The following KHDRBS2 variants were observed in gnomAD, a reference collection of about 807,000 sequenced individuals.
KHDRBS2 encodes the protein KH domain-containing, RNA-binding, signal transduction-associated protein 2.
A neutral mutation model predicts 44.3 loss-of-function variants in KHDRBS2; 26 were observed. That is an observed-to-expected ratio of 0.59 (90% CI 0.43 to 0.81). KHDRBS2 has a LOEUF of 0.81. Ranked by LOEUF, KHDRBS2 falls within the 40% of genes least tolerant of loss-of-function variation. The pLI, the probability that KHDRBS2 is intolerant of heterozygous loss-of-function variation, is 0.00. For synonymous variants in KHDRBS2, 194 were observed against 151.1 expected, an observed-to-expected ratio of 1.28 and a Z score of -2.08; for missense variants, 476 against 433.1, an observed-to-expected ratio of 1.10 and a Z score of -0.88.
intron 2 of KHDRBS2, among the ~76,000 whole-genome samples, chr6:62,083,670 G>A (rs1797856500): frequency 6.6e-6 from 1 of 152,154 alleles, no homozygotes; most frequent in African/African-American, 2.4e-5. Context: ...TCACCTGCAT[G>A]CTCCACCTCC....
intron 6 of KHDRBS2, chr6:61,816,655 A>G: frequency 2.2e-6 from 1 of 447,192 alleles, no homozygotes; most frequent in Non-Finnish European, 4.5e-6. Context: ...AAACAAATAC[A>G]AGCGTTATCT....
At chr6:61,548,087 A>G in the KHDRBS2 span, among the ~76,000 whole-genome samples, 5 of 152,174 alleles carry the variant, frequency 3.3e-5, no homozygotes, top group African/African-American at 4.8e-5. Context: ...CAAAAATCTA[A>G]TAGGAACTGA....
At chr6:61,645,305 G>A in the KHDRBS2 span, among the ~76,000 whole-genome samples, 1 of 151,860 alleles carries the variant, frequency 6.6e-6, no homozygotes, top group African/African-American at 2.4e-5. Context: ...ACACATTAGG[G>A]TCTATCAGAG....
At chr6:62,094,682 T>A (rs1311166564) in intron 2 of KHDRBS2, among the ~76,000 whole-genome samples, 3 of 151,978 alleles carry the variant, frequency 2.0e-5, no homozygotes, top group Non-Finnish European at 4.4e-5. Context: ...CTAGTACTTT[T>A]GTAGTTTCAG....
intron 7 of KHDRBS2, among the ~76,000 whole-genome samples, chr6:61,710,538 G>A (rs1176541932): frequency 6.6e-6 from 1 of 151,404 alleles, no homozygotes; most frequent in Non-Finnish European, 1.5e-5. Context: ...CTGTATCAAG[G>A]CATGGTGGAG....
At chr6:61,936,065 C>A (rs891097727) in intron 4 of KHDRBS2, among the ~76,000 whole-genome samples, 1 of 151,998 alleles carries the variant, frequency 6.6e-6, no homozygotes, top group African/African-American at 2.4e-5. Context: ...AAACAAGAAA[C>A]CATGTATACT....
rs572887888 is a variant in KHDRBS2 at position 62,199,251 on chromosome 6, G to A, written c.92-21939C>T. Among the ~76,000 whole-genome samples the A allele has an allele frequency of 4.6e-5, 7 of 152,218 alleles. No homozygotes were observed. In the East Asian group the frequency reaches 5.8e-4, roughly 13 times the overall value. ...AGTTCTGGCCAGGGCAATCAGGCAG[G>A]AGAAGGAAATAAAGGTCATTCAATT... On this transcript the variant is annotated intron_variant, in intron 1 of 8. Transcript: ENST00000281156.
the KHDRBS2 span, among the ~76,000 whole-genome samples, chr6:61,575,343 G>A: frequency 1.3e-5 from 2 of 152,110 alleles, no homozygotes; most frequent in South Asian, 4.1e-4. Flanking sequence ...TATACAAATA[G>A]CCAAGAAACA....
At chr6:61,706,888 A>G (rs1055508801) in intron 7 of KHDRBS2, among the ~76,000 whole-genome samples, 2 of 151,732 alleles carry the variant, frequency 1.3e-5, no homozygotes, top group African/African-American at 4.8e-5. Flanking sequence ...GGCAAAGATT[A>G]TTTGCCCTCA....
chr6:62,137,742 G>A (rs992712505), intron 2 of KHDRBS2, among the ~76,000 whole-genome samples: 5 of 152,060 alleles, frequency 3.3e-5, no homozygotes, highest in East Asian at 1.9e-4. Context: ...CCAAGGCAAC[G>A]TATAAAGTTT....
intron 1 of KHDRBS2, among the ~76,000 whole-genome samples, chr6:62,211,075 A>G (rs1196272609): frequency 6.6e-6 from 1 of 152,168 alleles, no homozygotes; most frequent in African/African-American, 2.4e-5. Context: ...TATGCCTTAT[A>G]GTGGGATACA....
intron 2 of KHDRBS2, among the ~76,000 whole-genome samples, chr6:62,149,902 T>G (rs1487440672): frequency 6.6e-6 from 1 of 152,198 alleles, no homozygotes; most frequent in Non-Finnish European, 1.5e-5. Context: ...GTATTAGCAG[T>G]GGATCGTAAG....
the KHDRBS2 span, among the ~76,000 whole-genome samples, chr6:61,617,241 T>C: frequency 6.6e-6 from 1 of 152,334 alleles, no homozygotes; most frequent in South Asian, 2.1e-4. Context: ...TCTGTCGCTA[T>C]AGGTCTCTAC....
intron 4 of KHDRBS2, among the ~76,000 whole-genome samples, chr6:61,951,063 T>C (rs1347032275): frequency 1.3e-5 from 2 of 152,056 alleles, no homozygotes; most frequent in Non-Finnish European, 2.9e-5. Flanking sequence ...GTTATATCTG[T>C]TCTGTTCTAT....
At chr6:61,874,394 A>C (rs1799102460) in intron 6 of KHDRBS2, among the ~76,000 whole-genome samples, 1 of 152,136 alleles carries the variant, frequency 6.6e-6, no homozygotes, top group African/African-American at 2.4e-5. Context: ...AACAAGCACA[A>C]AACTAGTCTC....
chr6:62,163,375 G>C (rs1462487530), intron 2 of KHDRBS2, among the ~76,000 whole-genome samples: 2 of 152,006 alleles, frequency 1.3e-5, no homozygotes, highest in Admixed American at 1.3e-4. Flanking sequence ...TACACAATAT[G>C]CTCAATATTA....
At chr6:61,665,765 A>G in the KHDRBS2 span, among the ~76,000 whole-genome samples, 1 of 151,142 alleles carries the variant, frequency 6.6e-6, no homozygotes, top group African/African-American at 2.4e-5. Context: ...TTAATTTTTA[A>G]TTATAAAGAT....
chr6:61,930,538 AAAAAAAAG>A (rs775280368), intron 4 of KHDRBS2, among the ~76,000 whole-genome samples: 2,920 of 36,358 alleles, frequency 0.08, 544 homozygotes, highest in Non-Finnish European at 0.14. Context: ...AAAAAAAAAA[AAAAAAAAG>A]AAAAAAAAAA....
At position 62,135,419 on chromosome 6, in the gene KHDRBS2, G is replaced by A. The variant is rs183474340; in HGVS notation, c.219+41766C>T. On this transcript the variant is annotated intron_variant, in intron 2 of 8. Transcript: ENST00000281156. ...TCTCAGGTATGTCTTTATCAGCAGC[G>A]TGAAAATAGACTAATGCAGCTGGTA... Among the ~76,000 whole-genome samples the A allele has an allele frequency of 5.3e-5, 8 of 152,172 alleles. No individual in the cohort carries two copies. The East Asian group carries it at 5.8e-4, about 11-fold the overall frequency.
Sources: allele counts gnomAD v4.1 joint callset (sites outside exome capture counted in the v4.1 genomes callset), GRCh38; gene constraint gnomAD v4.1.1; transcripts MANE v1.5; gene names NCBI Gene and HGNC (gene_info 2026-07-23, HGNC 2026-07-21).